Variants in OXR1 observed in about 807,000 individuals in gnomAD.
OXR1 encodes the protein oxidation resistance protein 1.
A neutral mutation model predicts 104.6 loss-of-function variants in OXR1; 41 were observed. The ratio of observed to expected loss-of-function variants is 0.39; its 90% CI spans 0.31 to 0.51. The LOEUF is 0.51. OXR1 is among the 20% of genes least tolerant of loss of function. OXR1 has a pLI of 0.77. For synonymous variants in OXR1, 348 were observed against 348.4 expected (o/e 1.00, Z 0.01); for missense variants, 955 against 1,031.9 (o/e 0.93, Z 1.02).
intron 3 of OXR1, among the ~76,000 whole-genome samples, chr8:106,650,309 A>G (rs1240487414): frequency 2.0e-5 from 3 of 152,194 alleles, no homozygotes; most frequent in Admixed American, 6.5e-5. Flanking sequence ...CTTTCCCATT[A>G]CGCTGCTAGT....
chr8:106,305,210 G>A (rs1049796502), intron 1 of OXR1, among the ~76,000 whole-genome samples: 2 of 152,018 alleles, frequency 1.3e-5, no homozygotes, highest in Non-Finnish European at 2.9e-5. Context: ...TTCATCATTT[G>A]ACTTTTATGT....
At chr8:106,522,115 A>G (rs867782234) in intron 3 of OXR1, among the ~76,000 whole-genome samples, 20 of 152,192 alleles carry the variant, frequency 1.3e-4, no homozygotes, top group African/African-American at 4.6e-4. Context: ...TAATAACTAG[A>G]AAAATGTTAC....
intron 2 of OXR1, among the ~76,000 whole-genome samples, chr8:106,447,107 TG>T (rs1365092182): frequency 1.3e-5 from 2 of 152,232 alleles, no homozygotes; most frequent in East Asian, 3.8e-4. Context: ...CTGAAGACCA[TG>T]TTTACAAATT....
chr8:106,706,930 G>A lies in OXR1; in HGVS notation c.1409G>A (p.Cys470Tyr). Reference sequence around the variant, plus strand: ...GAGAGTCAAAAAGAAAATATGCCTTGTGGGGAAACAGCAGAATTTAAACAA... The same window carrying A: ...GAGAGTCAAAAAGAAAATATGCCTTATGGGGAAACAGCAGAATTTAAACAA... Reference protein sequence around the residue: ...QEESQKENMPCGETAEFKQKQ... With the variant: ...QEESQKENMPYGETAEFKQKQ... The change falls in exon 9 of 17, where the codon TGT (cysteine) becomes TAT (tyrosine). Residue 470 changes from cysteine to tyrosine, a missense_variant. By Grantham distance (194) the Cys-to-Tyr change is radical. Transcript: ENST00000517566. The A allele has an allele frequency of 6.2e-7, 1 of 1,612,974 alleles. No individual in the cohort carries two copies. The highest frequency in any genetic ancestry group is 1.1e-5 in the South Asian group (1 of 90,752).
At chr8:106,288,432 A>G (rs967347581) in intron 1 of OXR1, among the ~76,000 whole-genome samples, 3 of 152,028 alleles carry the variant, frequency 2.0e-5, no homozygotes, top group Admixed American at 6.6e-5. Context: ...AATATTTCCT[A>G]TAGCCTGTCA....
intron 3 of OXR1, among the ~76,000 whole-genome samples, chr8:106,675,934 G>A (rs930605171): frequency 6.6e-5 from 10 of 152,020 alleles, no homozygotes; most frequent in African/African-American, 1.9e-4. Context: ...TCTCTTTGTA[G>A]GTCTCTAAGA....
chr8:106,324,580 A>G (rs189374766), intron 1 of OXR1, among the ~76,000 whole-genome samples: 76 of 151,602 alleles, frequency 5.0e-4, no homozygotes, highest in Non-Finnish European at 5.9e-5. Flanking sequence ...CTCTGGCAAT[A>G]CATGTTATGC....
At position 106,456,573 on chromosome 8, in the gene OXR1, G is replaced by A. The variant is rs138669048; in HGVS notation, c.24-62370G>A. 1.5e-3 allele frequency among the ~76,000 whole-genome samples: 223 copies of A among 152,210 alleles called. 1 individual carries two copies. The highest frequency in any genetic ancestry group is 5.0e-3 in the African/African-American group (209 of 41,538). On this transcript the variant is annotated intron_variant, in intron 2 of 16. Transcript: ENST00000517566. ...AATGTAATTTGAAGAAGAAACAAAT[G>A]GAATCTATCTTGATGAGCAACTATT...
intron 2 of OXR1, among the ~76,000 whole-genome samples, chr8:106,427,027 C>T (rs1345204387): frequency 3.3e-5 from 5 of 152,006 alleles, no homozygotes; most frequent in African/African-American, 7.3e-5. Flanking sequence ...TTCATGGCTG[C>T]GCGTTTTGTA....
chr8:106,421,984 C>T (rs1818925053), intron 2 of OXR1, among the ~76,000 whole-genome samples: 1 of 152,036 alleles, frequency 6.6e-6, no homozygotes. Flanking sequence ...AGAGAAGTTG[C>T]ATCTTTGTAA....
intron 2 of OXR1, among the ~76,000 whole-genome samples, chr8:106,411,047 T>C (rs1818437814): frequency 6.6e-6 from 1 of 151,846 alleles, no homozygotes; most frequent in Non-Finnish European, 1.5e-5. Flanking sequence ...TTTGCCCTGA[T>C]GTAATTAATT....
chr8:106,273,879 C>T (rs1811918818), intron 1 of OXR1, among the ~76,000 whole-genome samples: 3 of 152,140 alleles, frequency 2.0e-5, no homozygotes, highest in Admixed American at 2.0e-4. Context: ...GCTAAGTAAA[C>T]ATTGTTTGAT....
intron 1 of OXR1, among the ~76,000 whole-genome samples, chr8:106,350,711 C>G (rs570623000): frequency 3.2e-4 from 49 of 152,290 alleles, no homozygotes; most frequent in African/African-American, 1.1e-3. Context: ...GATATAAAAG[C>G]AGCTTGGAAG....
intron 2 of OXR1, among the ~76,000 whole-genome samples, chr8:106,479,790 A>G (rs999043147): frequency 6.6e-6 from 1 of 152,172 alleles, no homozygotes; most frequent in Admixed American, 6.6e-5. Context: ...GGCAGTTCAT[A>G]GTTATTCCTA....
Position 106,713,984 on chromosome 8 carries a change from A to G in OXR1, c.1955A>G (p.Glu652Gly). 6.4e-7 allele frequency: 1 copy of G among 1,561,596 alleles called. No individual in the cohort carries two copies. The highest frequency in any genetic ancestry group is 8.6e-7 in the Non-Finnish European group (1 of 1,160,224). The change falls in exon 11 of 17, where the codon GAG (glutamate) becomes GGG (glycine). Residue 652 changes from glutamate (E) to glycine (G), a missense_variant and splice_region_variant. Physicochemically the swap from Glu to Gly is moderately conservative, Grantham distance 98 (BLOSUM62 -2). Transcript: ENST00000517566. ...SSNQAAAREW[E>G]VVSVAEYHRR... ...AATCAAGCAGCAGCCAGAGAATGGG[A>G]GGTAAGGAGAAAAATATGAAGATTT...
chr8:106,522,128 C>T (rs1223693525), intron 3 of OXR1, among the ~76,000 whole-genome samples: 2 of 152,044 alleles, frequency 1.3e-5, no homozygotes, highest in African/African-American at 2.4e-5. Flanking sequence ...AATGTTACAG[C>T]CATTGAAGTG....
chr8:106,658,283 T>C, intron 3 of OXR1: 1 of 1,206,992 alleles, frequency 8.3e-7, no homozygotes, highest in Non-Finnish European at 1.0e-6. Context: ...GCTGCCCGGC[T>C]CTGGCAGGTG....
intron 1 of OXR1, among the ~76,000 whole-genome samples, chr8:106,273,855 A>G (rs934718352): frequency 1.3e-5 from 2 of 152,264 alleles, no homozygotes; most frequent in African/African-American, 2.4e-5. Context: ...AATCATATGC[A>G]TATGTGCATG....
intron 2 of OXR1, among the ~76,000 whole-genome samples, chr8:106,505,812 A>T (rs990660442): frequency 6.6e-6 from 1 of 152,246 alleles, no homozygotes; most frequent in Non-Finnish European, 1.5e-5. Context: ...ACTATGGACC[A>T]TTGAAAGATG....
Sources: allele counts gnomAD v4.1 joint callset (sites outside exome capture counted in the v4.1 genomes callset), GRCh38; gene constraint gnomAD v4.1.1; transcripts MANE v1.5; gene names NCBI Gene and HGNC (gene_info 2026-07-23, HGNC 2026-07-21).